Variants in CNGA3 observed in about 807,000 individuals in gnomAD.
CNGA3 encodes cyclic nucleotide gated channel subunit alpha 3, also known as cyclic nucleotide-gated channel alpha-3.
In CNGA3, 42 loss-of-function variants were observed where a neutral mutation model predicts 46.6. The ratio of observed to expected loss-of-function variants is 0.90; its 90% CI spans 0.70 to 1.17. The LOEUF (loss-of-function observed/expected upper bound fraction) is 1.17, where lower values mean the gene tolerates loss of function less well. Ranked by LOEUF, CNGA3 falls within the 50% of genes most tolerant of loss-of-function variation. CNGA3 has a pLI of 0.00. For synonymous variants in CNGA3, 394 were observed against 369.4 expected (o/e 1.07, Z -0.76); for missense variants, 893 against 890.7 (o/e 1.00, Z -0.03).
chr2:98,350,178 G>A (rs997130268), intron 1 of CNGA3, among the ~76,000 whole-genome samples: 2 of 152,188 alleles, frequency 1.3e-5, no homozygotes, highest in South Asian at 2.1e-4. Context: ...TTGAACCAAG[G>A]TATTTAATCA....
At position 98,397,516 on chromosome 2, in the gene CNGA3, C is replaced by T. The variant is rs144298799; in HGVS notation, c.*261C>T. The T allele has an allele frequency of 1.1e-3, 602 of 544,172 alleles. 6 individuals are homozygous for T. The highest frequency in any genetic ancestry group is 0.01 in the African/African-American group (551 of 52,860). 33.7% of individuals were successfully genotyped at this position (544,172 alleles called of 1,614,324 possible). ...AGGGCTTTGCAAAGTGCAAGGTATC[C>T]CCAGTCCAAGTATATGAAAACGTGC... On this transcript the variant is annotated 3_prime_UTR_variant, in exon 8 of 8. Coordinates refer to ENST00000272602, the MANE Select transcript of CNGA3 (RefSeq NM_001298.3).
chr2:98,360,584 A>G (rs1409995940), intron 1 of CNGA3, among the ~76,000 whole-genome samples: 1 of 152,230 alleles, frequency 6.6e-6, no homozygotes, highest in African/African-American at 2.4e-5. Context: ...TGCCTGGCAC[A>G]TAGTAAGTGC....
At chr2:98,348,885 A>G (rs1691707390) in intron 1 of CNGA3, among the ~76,000 whole-genome samples, 1 of 152,116 alleles carries the variant, frequency 6.6e-6, no homozygotes, top group Non-Finnish European at 1.5e-5. Flanking sequence ...TGGAGGTGAT[A>G]ACAGAGCCCT....
chr2:98,378,811 G>A (rs573601379), intron 3 of CNGA3, among the ~76,000 whole-genome samples: 56 of 152,362 alleles, frequency 3.7e-4, no homozygotes, highest in African/African-American at 1.3e-3. Flanking sequence ...GGGCTCGCAG[G>A]AGGGGACCTG....
intron 1 of CNGA3, among the ~76,000 whole-genome samples, chr2:98,365,999 G>A (rs981499020): frequency 2.0e-5 from 3 of 152,292 alleles, no homozygotes; most frequent in African/African-American, 7.2e-5. Flanking sequence ...TGAGTTTTCA[G>A]CATTTTTGGC....
intron 1 of CNGA3, among the ~76,000 whole-genome samples, chr2:98,361,571 G>A (rs1174610591): frequency 1.3e-5 from 2 of 151,892 alleles, no homozygotes; most frequent in African/African-American, 4.8e-5. Flanking sequence ...GGGTCAAATG[G>A]TATTTCTGGT....
chr2:98,369,433 C>T (rs892896436), intron 1 of CNGA3, among the ~76,000 whole-genome samples: 5 of 152,002 alleles, frequency 3.3e-5, no homozygotes, highest in South Asian at 2.1e-4. Context: ...TGAGATGAAT[C>T]GTGTATTGGG....
rs149069990 is a variant in CNGA3 at position 98,370,054 on chromosome 2, C to T, written c.79C>T (p.Arg27Cys). 3.0e-5 allele frequency: 49 copies of T among 1,613,618 alleles called. No homozygotes were observed. In the East Asian group the frequency reaches 3.8e-4, roughly 12 times the overall value. The stretch of plus-strand genomic sequence containing the variant: ...AAAGACCTCAGACCGAGATCTCAAT[C>T]GCGCTGAAAATGGCCTCAGCAGGTA... ...KVKTSDRDLN[R>C]AENGLSRAHS... Residue 27 changes from arginine (R) to cysteine (C), a missense_variant, in exon 2 of 8, where the codon CGC (arginine) becomes TGC (cysteine). Transcript: ENST00000272602.
At position 98,365,753 on chromosome 2, in the gene CNGA3, T is replaced by A. The variant is rs150561776; in HGVS notation, c.-37-4186T>A. On this transcript the variant is annotated intron_variant, in intron 1 of 7. Transcript: ENST00000272602. ...TGTGTTTTTCAGAACCATCAGGTCA[T>A]TTATGTGGCTCTCTAAACTGGTTAC... Among the ~76,000 whole-genome samples the A allele has an allele frequency of 1.0e-3, 157 of 152,312 alleles. No individual in the cohort carries two copies. The Middle Eastern group carries it at 0.017, about 16-fold the overall frequency.
intron 1 of CNGA3, among the ~76,000 whole-genome samples, chr2:98,347,826 C>T (rs543235466): frequency 6.6e-6 from 1 of 152,332 alleles, no homozygotes; most frequent in South Asian, 2.1e-4. Flanking sequence ...GTGCCCCTAA[C>T]ATTATGCACT....
chr2:98,385,992 T>C (rs1692645428), intron 5 of CNGA3, among the ~76,000 whole-genome samples: 1 of 152,160 alleles, frequency 6.6e-6, no homozygotes, highest in Non-Finnish European at 1.5e-5. Flanking sequence ...TCAAACCACA[T>C]AAGCTGGTTA....
At chr2:98,372,832 G>A (rs1002071770) in intron 2 of CNGA3, among the ~76,000 whole-genome samples, 9 of 152,008 alleles carry the variant, frequency 5.9e-5, no homozygotes, top group East Asian at 3.9e-4. Flanking sequence ...TCAGATAGCC[G>A]CATTTCCTGC....
chr2:98,379,485 G>C (rs1692489881), intron 3 of CNGA3, among the ~76,000 whole-genome samples: 1 of 152,112 alleles, frequency 6.6e-6, no homozygotes, highest in African/African-American at 2.4e-5. Context: ...AGGCCCGTGT[G>C]TCTCAGATGA....
At chr2:98,369,490 T>C (rs1329476936) in intron 1 of CNGA3, among the ~76,000 whole-genome samples, 1 of 152,224 alleles carries the variant, frequency 6.6e-6, no homozygotes. Flanking sequence ...ATATGGTCCT[T>C]TTTTTACATG....
intron 6 of CNGA3, 68 bp from the exon 7 acceptor site, chr2:98,391,796 C>G: frequency 6.7e-7 from 1 of 1,484,296 alleles, no homozygotes; most frequent in South Asian, 1.1e-5. Context: ...GAGCCCGTGC[C>G]CACAGGTGGG....
intron 1 of CNGA3, among the ~76,000 whole-genome samples, chr2:98,367,939 C>T (rs1056651481): frequency 6.6e-5 from 10 of 152,184 alleles, no homozygotes; most frequent in African/African-American, 1.9e-4. Context: ...GGGTAAGGCC[C>T]AAGCTCCTGG....
rs77311157 is a variant in CNGA3, at chr2:98,396,916, C to T, written c.1746C>T (p.Asp582=). The part of the protein sequence containing the change: ...GYSDLFCLSK[D]DLMEALTEYP... ...CAGACCTGTTCTGCCTCTCAAAGGA[C>T]GATCTCATGGAGGCCCTCACCGAGT... The change falls in exon 8 of 8, where the codon GAC becomes GAT. Residue 582 remains aspartate (D), a synonymous_variant. Coordinates refer to ENST00000272602, the MANE Select transcript of CNGA3 (RefSeq NM_001298.3). 5.3e-4 allele frequency: 861 copies of T among 1,614,106 alleles called. 6 individuals carry two copies. In the East Asian group the frequency reaches 0.014, roughly 27 times the overall value.
rs765889600 is a variant in CNGA3 at position 98,396,590 on chromosome 2, C to A, written c.1420C>A (p.Leu474Met). The A allele has an allele frequency of 6.2e-7, 1 of 1,613,964 alleles. No homozygotes were observed. The highest frequency in any genetic ancestry group is 1.1e-5 in the South Asian group (1 of 91,058). ...LKAEIAINVH[L>M]DTLKKVRIFQ... ...GGCTGAGATCGCCATCAACGTGCAC[C>A]TGGACACGCTGAAGAAGGTTCGCAT... Residue 474 changes from leucine to methionine, a missense_variant, in exon 8 of 8, where the codon CTG becomes ATG. Leu to Met is a conservative substitution (Grantham distance 15). Coordinates refer to ENST00000272602, the MANE Select transcript of CNGA3 (RefSeq NM_001298.3).
Position 98,380,235 on chromosome 2 carries a change from C to T in CNGA3, c.276C>T (p.Asp92=). 1.2e-6 allele frequency: 2 copies of T among 1,614,180 alleles called. No homozygotes were observed. Among genetic ancestry groups the T allele is most frequent in the Non-Finnish European group, 1.7e-6 (2 of 1,180,032 alleles). ...CTGCCAGGCATGTGCACCACCAGGA[C>T]CAGGGACCGGACTCTTTTCCTGATC... ...RWAARHVHHQ[D]QGPDSFPDRF... Residue 92 remains aspartate (D), a synonymous_variant, in exon 4 of 8, where the codon GAC becomes GAT. Coordinates refer to ENST00000272602, the MANE Select transcript of CNGA3 (RefSeq NM_001298.3).
Sources: gnomAD v4.1 joint callset for allele counts (sites outside exome capture counted in the v4.1 genomes callset) on GRCh38, gnomAD v4.1.1 for gene constraint, MANE v1.5 for transcripts, NCBI Gene and HGNC (gene_info 2026-07-23, HGNC 2026-07-21) for gene names.